The following CTNNA2 variants were observed in gnomAD, a reference collection of about 807,000 sequenced individuals.
CTNNA2 encodes catenin alpha-2.
Under a neutral mutation model 101.0 loss-of-function variants are expected in CTNNA2, and 42 were observed. The ratio of observed to expected loss-of-function variants is 0.42; its 90% CI spans 0.32 to 0.54. The LOEUF is 0.54. Among genes scored for constraint, CTNNA2 ranks in the 20% least tolerant of loss-of-function variants. CTNNA2 has a pLI of 0.14. For missense variants in CTNNA2, 871 were observed against 1,223.1 expected (o/e 0.71, Z 4.29); for synonymous variants, 450 against 456.4 (o/e 0.99, Z 0.18).
chr2:80,589,518 T>G, intron 15 of CTNNA2, 33 bp downstream of exon 15: 1 of 1,601,466 alleles, frequency 6.2e-7, no homozygotes, highest in South Asian at 1.1e-5. Flanking sequence ...TGAAGATTTT[T>G]TCATTAAACC....
At chr2:79,947,760 C>T (rs1688603589) in intron 7 of CTNNA2, among the ~76,000 whole-genome samples, 3 of 152,230 alleles carry the variant, frequency 2.0e-5, no homozygotes, top group Non-Finnish European at 2.9e-5. Flanking sequence ...AGTAATTCAG[C>T]ACCTAGAAGA....
intron 3 of CTNNA2, among the ~76,000 whole-genome samples, chr2:79,791,450 A>G (rs1025456815): frequency 8.5e-5 from 13 of 152,322 alleles, no homozygotes; most frequent in African/African-American, 3.1e-4. Context: ...ATAATGGGTT[A>G]GGATAATGTA....
chr2:80,082,116 C>T (rs1699190676), intron 7 of CTNNA2, among the ~76,000 whole-genome samples: 1 of 152,072 alleles, frequency 6.6e-6, no homozygotes, highest in African/African-American at 2.4e-5. Flanking sequence ...GTGAAATTTC[C>T]ATTTCAAACC....
chr2:80,222,595 T>C (rs1480030383), intron 7 of CTNNA2, among the ~76,000 whole-genome samples: 1 of 152,144 alleles, frequency 6.6e-6, no homozygotes, highest in Non-Finnish European at 1.5e-5. Flanking sequence ...CCCAAGCACT[T>C]TTTTCTTCTT....
intron 2 of CTNNA2, among the ~76,000 whole-genome samples, chr2:79,311,560 TC>T (rs138109730): frequency 0.086 from 13,071 of 152,020 alleles, 615 homozygotes; most frequent in African/African-American, 0.1. Context: ...AGATAGTGCG[TC>T]CCCCGGTGAC....
At chr2:79,356,798 G>T (rs76959339) in intron 3 of CTNNA2, among the ~76,000 whole-genome samples, 12,961 of 151,950 alleles carry the variant, frequency 0.085, 895 homozygotes, top group East Asian at 0.34. Context: ...AGGATCAGCA[G>T]ATAATAAAAA....
Position 79,909,714 on chromosome 2 carries a change from G to A in CTNNA2, c.973G>A (p.Asp325Asn). The A allele has an allele frequency of 6.2e-7, 1 of 1,613,984 alleles. No homozygotes were observed. Among genetic ancestry groups the A allele is most frequent in the Non-Finnish European group, 8.5e-7 (1 of 1,179,928 alleles). Residue 325 changes from aspartate to asparagine, a missense_variant, in exon 7 of 19, where the codon GAC (aspartate) becomes AAC (asparagine). By Grantham distance (23) the Asp-to-Asn change is conservative (BLOSUM62 1). Transcript: ENST00000402739. ...ALMADSSCTRDDRRERIVAEC... is the reference protein window; with the variant it reads ...ALMADSSCTRNDRRERIVAEC... Reference sequence around the variant, plus strand: ...GATGGCCGACTCCTCCTGCACGCGAGACGACCGGCGCGAGAGGATCGTGGC... The same window carrying A: ...GATGGCCGACTCCTCCTGCACGCGAAACGACCGGCGCGAGAGGATCGTGGC...
intron 7 of CTNNA2, among the ~76,000 whole-genome samples, chr2:80,263,377 A>G (rs1672763420): frequency 6.6e-6 from 1 of 152,218 alleles, no homozygotes. Flanking sequence ...TCTGTTGCCC[A>G]GGCTGGAGTG....
intron 7 of CTNNA2, among the ~76,000 whole-genome samples, chr2:80,152,435 G>A (rs1048383623): frequency 6.6e-6 from 1 of 152,128 alleles, no homozygotes; most frequent in Non-Finnish European, 1.5e-5. Context: ...AGCAGGGGTT[G>A]GTTCTCATTA....
intron 9 of CTNNA2, among the ~76,000 whole-genome samples, chr2:80,435,410 T>C (rs1681939302): frequency 6.6e-6 from 1 of 150,682 alleles, no homozygotes; most frequent in Non-Finnish European, 1.5e-5. Flanking sequence ...CTTGTCACAA[T>C]TTTTTTTTTC....
At chr2:79,936,546 T>C (rs944800217) in intron 7 of CTNNA2, among the ~76,000 whole-genome samples, 1 of 16,748 alleles carries the variant, frequency 6.0e-5, no homozygotes, top group Admixed American at 5.1e-4. Flanking sequence ...CCAAGCGTCC[T>C]TTTTTTTTTT....
intron 3 of CTNNA2, among the ~76,000 whole-genome samples, chr2:79,359,699 A>G (rs932339652): frequency 1.3e-5 from 2 of 152,212 alleles, no homozygotes; most frequent in African/African-American, 4.8e-5. Flanking sequence ...CACTTTCAGA[A>G]GAAGGTAGCC....
At chr2:79,544,786 A>C (rs1673631200) in intron 1 of CTNNA2, among the ~76,000 whole-genome samples, 1 of 152,114 alleles carries the variant, frequency 6.6e-6, no homozygotes, top group Non-Finnish European at 1.5e-5. Flanking sequence ...CTAACAAAGA[A>C]ATATTGCCTT....
intron 3 of CTNNA2, among the ~76,000 whole-genome samples, chr2:79,341,949 A>G (rs1008530470): frequency 1.3e-5 from 2 of 152,186 alleles, no homozygotes; most frequent in African/African-American, 4.8e-5. Context: ...TTAACTTGTC[A>G]GCTTGCAGAT....
intron 2 of CTNNA2, among the ~76,000 whole-genome samples, chr2:79,676,477 G>A (rs901675730): frequency 2.0e-5 from 3 of 152,104 alleles, no homozygotes; most frequent in Non-Finnish European, 4.4e-5. Flanking sequence ...TGGTACCCAC[G>A]GTGAGATTCA....
rs1708281125 is a variant in CTNNA2 at position 80,216,583 on chromosome 2, C to A, written c.1057-176628C>A. Among the ~76,000 whole-genome samples the A allele has an allele frequency of 3.9e-5, 6 of 152,228 alleles. No individual in the cohort carries two copies. The South Asian group carries it at 1.2e-3, about 32-fold the overall frequency. ...GAAGAAGCCATAGAGCTAGCTATCTCTCTTTTTACCATGTGAGGATACTAG... is the reference window on the plus strand; with the variant it reads ...GAAGAAGCCATAGAGCTAGCTATCTATCTTTTTACCATGTGAGGATACTAG... On this transcript the variant is annotated intron_variant, in intron 7 of 18. Coordinates refer to ENST00000402739, the MANE Select transcript of CTNNA2 (RefSeq NM_001282597.3).
At chr2:80,328,271 T>G (rs1573731448) in intron 7 of CTNNA2, 1 of 470,980 alleles carries the variant, frequency 2.1e-6, no homozygotes, top group African/African-American at 2.0e-5. Flanking sequence ...AAAGGGCCGA[T>G]AACAACTCCT....
intron 3 of CTNNA2, among the ~76,000 whole-genome samples, chr2:79,822,629 T>C (rs1678099045): frequency 6.6e-6 from 1 of 152,134 alleles, no homozygotes; most frequent in Non-Finnish European, 1.5e-5. Context: ...TTTTCTACCC[T>C]CAGCACCTCC....
chr2:79,790,180 G>A (rs952302341), intron 3 of CTNNA2, among the ~76,000 whole-genome samples: 2 of 152,138 alleles, frequency 1.3e-5, no homozygotes, highest in Admixed American at 6.6e-5. Flanking sequence ...AAGCAGAGCA[G>A]TAAGTAAAAA....
Sources: allele counts gnomAD v4.1 joint callset (sites outside exome capture counted in the v4.1 genomes callset), GRCh38; gene constraint gnomAD v4.1.1; transcripts MANE v1.5; gene names NCBI Gene and HGNC (gene_info 2026-07-23, HGNC 2026-07-21).